The following NFIX variants were observed in gnomAD, a reference collection of about 807,000 sequenced individuals.
NFIX encodes nuclear factor 1 X-type.
A neutral mutation model predicts 53.3 loss-of-function variants in NFIX; 2 were observed. The observed-to-expected ratio is 0.04, with a 90% confidence interval of 0.02 to 0.12. The LOEUF (loss-of-function observed/expected upper bound fraction) is 0.12, where lower values mean the gene tolerates loss of function less well. Among genes scored for constraint, NFIX ranks in the 10% least tolerant of loss-of-function variants. NFIX has a pLI of 1.00. For missense variants in NFIX, 310 were observed against 674.5 expected (o/e 0.46, Z 5.99); for synonymous variants, 244 against 289.0 (o/e 0.84, Z 1.58).
In NFIX at chr19:13,073,739, C is replaced by G. The variant is rs74782879; in HGVS notation, c.698-167C>G. Among the ~76,000 whole-genome samples the G allele has an allele frequency of 1.1e-3, 167 of 152,292 alleles. 1 individual carries two copies. The East Asian group carries it at 0.023, about 21-fold the overall frequency. The stretch of plus-strand genomic sequence containing the variant: ...CAACCAAAGGCTCTTCTGTGACCCA[C>G]TAGCTGGGAGGAGGTTCCTCAGCAG... On this transcript the variant is annotated intron_variant, in intron 4 of 10. Transcript: ENST00000592199. This position sits in a 1 kb window ranked among gnomAD's most constrained non-coding sequence, Gnocchi z 4.5.
At chr19:13,018,712 G>A (rs1171161992) in intron 1 of NFIX, among the ~76,000 whole-genome samples, 6 of 152,212 alleles carry the variant, frequency 3.9e-5, no homozygotes, top group Non-Finnish European at 7.3e-5. Context: ...CAGTGCTGCC[G>A]CTGCGTCATG....
Position 13,036,224 on chromosome 19 carries a change from C to A in NFIX, c.559+10672C>A, listed in dbSNP as rs1298470154. On this transcript the variant is annotated intron_variant, in intron 2 of 10. Coordinates refer to ENST00000592199, the MANE Select transcript of NFIX (RefSeq NM_001365902.3). The surrounding 1 kb of genome is among the most constrained non-coding windows in gnomAD (Gnocchi z 4.7). ...AGGGCTCTCCTTCGTGTGGAGTAGA[C>A]CCTTCGCCAACTGGCCTGGCGTGTC... 6.6e-6 allele frequency among the ~76,000 whole-genome samples: 1 copy of A among 152,216 alleles called. No homozygotes were observed. The highest frequency in any genetic ancestry group is 1.5e-5 in the Non-Finnish European group (1 of 68,030).
rs1051412466 is a variant in NFIX at position 13,021,700 on chromosome 19, C to T, written c.28-3321C>T. ...TATCTATTTCCTTCTTACTGTGTTT[C>T]GAAGGCCTCAAGCATGGCTGCTCCA... On this transcript the variant is annotated intron_variant, in intron 1 of 10. Coordinates refer to ENST00000592199, the MANE Select transcript of NFIX (RefSeq NM_001365902.3). The surrounding 1 kb of genome is among the most constrained non-coding windows in gnomAD (Gnocchi z 4.2). Among the ~76,000 whole-genome samples the T allele has an allele frequency of 2.0e-5, 3 of 152,080 alleles. No homozygotes were observed. Among genetic ancestry groups the T allele is most frequent in the East Asian group, 3.9e-4 (2 of 5,190 alleles).
In NFIX at chr19:13,040,614, T is replaced by G. The variant is rs1199755331; in HGVS notation, c.559+15062T>G. Among the ~76,000 whole-genome samples, 1 of 152,164 alleles carries G rather than the reference T, an allele frequency of 6.6e-6. No individual in the cohort carries two copies. On this transcript the variant is annotated intron_variant, in intron 2 of 10. Transcript: ENST00000592199. This position sits in a 1 kb window ranked among gnomAD's most constrained non-coding sequence, Gnocchi z 4.2. ...GCTGCTATTCCTGCCCTCCATCTCC[T>G]GGAGACCCCTTCAGTCTGGGCCTCT...
At chr19:12,999,553 A>G (rs1422112403) in intron 1 of NFIX, among the ~76,000 whole-genome samples, 1 of 152,156 alleles carries the variant, frequency 6.6e-6, no homozygotes, top group East Asian at 1.9e-4. Context: ...TCCTTGCCAC[A>G]GGGATAAAAA....
rs2145207014 is a variant in NFIX at position 13,028,629 on chromosome 19, AGTCT to A, written c.559+3084_559+3087del. 6.6e-6 allele frequency among the ~76,000 whole-genome samples: 1 copy of A among 152,268 alleles called. No homozygotes were observed. Among genetic ancestry groups the A allele is most frequent in the African/African-American group, 2.4e-5 (1 of 41,548 alleles). Reference sequence around the variant, plus strand: ...GCGGCTGGCCTTCCTGCTGGGAAGGAGTCTGTCTGTGTGTCTGTCTGTGTTTAGG... The same window carrying A: ...GCGGCTGGCCTTCCTGCTGGGAAGGAGTCTGTGTGTCTGTCTGTGTTTAGG... On this transcript the variant is annotated intron_variant, in intron 2 of 10. Coordinates refer to ENST00000592199, the MANE Select transcript of NFIX (RefSeq NM_001365902.3). The surrounding 1 kb of genome is among the most constrained non-coding windows in gnomAD (Gnocchi z 4.2).
Position 13,072,442 on chromosome 19 carries a change from G to A in NFIX, c.560-605G>A, listed in dbSNP as rs1289988511. ...TCCCCCCTCTGGGTTGCCAGGCACTGCCTCTGAGCATAAAGGTGAGGTGGG... is the reference window on the plus strand; with the variant it reads ...TCCCCCCTCTGGGTTGCCAGGCACTACCTCTGAGCATAAAGGTGAGGTGGG... On this transcript the variant is annotated intron_variant, in intron 2 of 10. Transcript: ENST00000592199. The surrounding 1 kb of genome is among the most constrained non-coding windows in gnomAD (Gnocchi z 4.0). 6.6e-6 allele frequency among the ~76,000 whole-genome samples: 1 copy of A among 152,232 alleles called. No individual in the cohort carries two copies. Among genetic ancestry groups the A allele is most frequent in the African/African-American group, 2.4e-5 (1 of 41,460 alleles).
At position 13,095,535 on chromosome 19, in the gene NFIX, G is replaced by C. The variant is rs2018393129; in HGVS notation, c.*886G>C. 6.6e-6 allele frequency: 1 copy of C among 152,134 alleles called. No homozygotes were observed. Among genetic ancestry groups the C allele is most frequent in the Admixed American group, 6.5e-5 (1 of 15,276 alleles). The allele number at this position is 152,134 out of a possible 1,614,324, so 9.4% of individuals were successfully genotyped here. A position where few individuals can be genotyped will look rare whatever the true frequency, so the allele number is the denominator to read the frequency against. On this transcript the variant is annotated 3_prime_UTR_variant, in exon 11 of 11. Coordinates refer to ENST00000592199, the MANE Select transcript of NFIX (RefSeq NM_001365902.3). ...CTTCCTGCCACGAGGGAGGGGAGTC[G>C]GGCCCCAGGTCGCCCCCGCCCCCAG...
intron 2 of NFIX, among the ~76,000 whole-genome samples, chr19:13,042,859 A>C (rs1293155366): frequency 1.3e-5 from 2 of 152,052 alleles, no homozygotes; most frequent in Non-Finnish European, 2.9e-5. Context: ...TAGCAGTTGA[A>C]TTACTAGGCA....
chr19:13,091,576 C>G (rs1174309129), intron 10 of NFIX, among the ~76,000 whole-genome samples: 2 of 152,226 alleles, frequency 1.3e-5, no homozygotes, highest in Middle Eastern at 3.4e-3. Context: ...TGATGTAACA[C>G]CCAGATGAAC....
intron 2 of NFIX, among the ~76,000 whole-genome samples, chr19:13,056,227 C>G (rs1381522517): frequency 6.6e-6 from 1 of 152,194 alleles, no homozygotes; most frequent in Non-Finnish European, 1.5e-5. Flanking sequence ...CTCAGGCCCC[C>G]CCACCGCCCC....
chr19:12,998,221 G>A lies in NFIX; in HGVS notation c.27+2357G>A, dbSNP rs1323595968. On this transcript the variant is annotated intron_variant, in intron 1 of 10. Coordinates refer to ENST00000592199, the MANE Select transcript of NFIX (RefSeq NM_001365902.3). The surrounding 1 kb of genome is among the most constrained non-coding windows in gnomAD (Gnocchi z 4.4). ...TCTGTCCTTTTGTATGTCTCTGACT[G>A]TCTCTGTCTCTGATTCCAGTTTTGG... is the stretch of plus-strand genomic sequence containing the variant. Among the ~76,000 whole-genome samples, 1 of 151,700 alleles carries A rather than the reference G, an allele frequency of 6.6e-6. No homozygotes were observed. The highest frequency in any genetic ancestry group is 6.6e-5 in the Admixed American group (1 of 15,238).
rs1724500138 is a variant in NFIX, at chr19:13,021,126, A to G, written c.28-3895A>G. Among the ~76,000 whole-genome samples the G allele has an allele frequency of 6.6e-6, 1 of 152,148 alleles. No individual in the cohort carries two copies. Among genetic ancestry groups the G allele is most frequent in the South Asian group, 2.1e-4 (1 of 4,828 alleles). On this transcript the variant is annotated intron_variant, in intron 1 of 10. Coordinates refer to ENST00000592199, the MANE Select transcript of NFIX (RefSeq NM_001365902.3). The surrounding 1 kb of genome is among the most constrained non-coding windows in gnomAD (Gnocchi z 4.2). ...CCTCATCTTGACTTTAGAAGGTAAA[A>G]TTGTTTCCACAAGGTGGAGAGGCAG...
chr19:13,057,584 G>C (rs542394982), intron 2 of NFIX, among the ~76,000 whole-genome samples: 1 of 152,092 alleles, frequency 6.6e-6, no homozygotes, highest in South Asian at 2.1e-4. Context: ...TGAGGAGAGG[G>C]GAACAAGCTA....
chr19:13,061,624 G>A (rs1004415848), intron 2 of NFIX, among the ~76,000 whole-genome samples: 1 of 152,216 alleles, frequency 6.6e-6, no homozygotes, highest in Non-Finnish European at 1.5e-5. Context: ...TCCCTGAGCC[G>A]TGCTGCTCGG....
In NFIX at chr19:13,012,546, CCG is replaced by C. The variant is rs2012416633; in HGVS notation, c.28-12474_28-12473del. On this transcript the variant is annotated intron_variant, in intron 1 of 10. Transcript: ENST00000592199. The surrounding 1 kb of genome is among the most constrained non-coding windows in gnomAD (Gnocchi z 5.0). ...TCAAAGGCCGCCGCCAAAAGGGGCTCCGATGTCGGCATTTTTGCCTTAAGGCT... is the reference window on the plus strand; with the variant it reads ...TCAAAGGCCGCCGCCAAAAGGGGCTCATGTCGGCATTTTTGCCTTAAGGCT... 1.3e-5 allele frequency among the ~76,000 whole-genome samples: 2 copies of C among 152,108 alleles called. No individual in the cohort carries two copies. The highest frequency in any genetic ancestry group is 1.3e-4 in the Admixed American group (2 of 15,290).
chr19:13,044,980 C>T (rs2014891514), intron 2 of NFIX, among the ~76,000 whole-genome samples: 1 of 152,190 alleles, frequency 6.6e-6, no homozygotes, highest in Non-Finnish European at 1.5e-5. Flanking sequence ...TAAGGTCCCA[C>T]TGCAGGCTGT....
Position 13,027,236 on chromosome 19 carries a change from A to G in NFIX, c.559+1684A>G, listed in dbSNP as rs2013437213. Among the ~76,000 whole-genome samples the G allele has an allele frequency of 6.6e-6, 1 of 152,054 alleles. No homozygotes were observed. The highest frequency in any genetic ancestry group is 2.1e-4 in the South Asian group (1 of 4,806). ...CTAGGCCTGCATCCGGCCCTGTGTGACCATCGTGACCCGTCATGCAGAAGG... is the reference window on the plus strand; with the variant it reads ...CTAGGCCTGCATCCGGCCCTGTGTGGCCATCGTGACCCGTCATGCAGAAGG... On this transcript the variant is annotated intron_variant, in intron 2 of 10. Transcript: ENST00000592199. The surrounding 1 kb of genome is among the most constrained non-coding windows in gnomAD (Gnocchi z 4.3).
At chr19:13,004,524 A>C (rs1248411745) in intron 1 of NFIX, among the ~76,000 whole-genome samples, 2 of 152,128 alleles carry the variant, frequency 1.3e-5, no homozygotes, top group Non-Finnish European at 2.9e-5. Flanking sequence ...CAGTGGTTGG[A>C]AATGGTGCCT....
Sources: allele counts gnomAD v4.1 joint callset (sites outside exome capture counted in the v4.1 genomes callset), GRCh38; gene constraint gnomAD v4.1.1; non-coding constraint Gnocchi (gnomAD v3.1); transcripts MANE v1.5; gene names NCBI Gene and HGNC (gene_info 2026-07-23, HGNC 2026-07-21).